Variants in CDH12 observed in about 807,000 individuals in gnomAD.
CDH12 encodes cadherin-12.
CDH12 carries 41 observed loss-of-function variants against 74.1 expected under a neutral mutation model. The observed-to-expected ratio is 0.55, with a 90% CI of 0.43 to 0.72. CDH12 has a LOEUF of 0.72. Among genes scored for constraint, CDH12 ranks in the 30% least tolerant of loss-of-function variants. The pLI is 0.00. For missense variants in CDH12, 945 were observed against 977.2 expected, an observed-to-expected ratio of 0.97 and a Z score of 0.44; for synonymous variants, 399 against 355.0, an observed-to-expected ratio of 1.12 and a Z score of -1.39.
chr5:21,767,834 G>A (rs1199984366), intron 11 of CDH12, among the ~76,000 whole-genome samples: 1 of 151,674 alleles, frequency 6.6e-6, no homozygotes, highest in Non-Finnish European at 1.5e-5. Flanking sequence ...CAACATCTCA[G>A]TTTGAGAACT....
At chr5:22,080,841 G>A (rs962519269) in intron 4 of CDH12, among the ~76,000 whole-genome samples, 1 of 151,838 alleles carries the variant, frequency 6.6e-6, no homozygotes, top group Admixed American at 6.6e-5. Context: ...GCGCAGTGGC[G>A]TAATCTCAGC....
chr5:22,202,779 T>C (rs1356162151), intron 4 of CDH12, among the ~76,000 whole-genome samples: 2 of 152,202 alleles, frequency 1.3e-5, no homozygotes, highest in African/African-American at 4.8e-5. Flanking sequence ...TATGGATTTA[T>C]AACTTTGCCA....
intron 2 of CDH12, among the ~76,000 whole-genome samples, chr5:22,447,301 T>C (rs1460367129): frequency 6.6e-6 from 1 of 152,092 alleles, no homozygotes; most frequent in Admixed American, 6.6e-5. Flanking sequence ...ACAAGGTTAT[T>C]GGATGACTTT....
chr5:21,816,886 T>C (rs899683661), intron 9 of CDH12, 59 bp downstream of exon 9: 3 of 1,127,844 alleles, frequency 2.7e-6, no homozygotes, highest in African/African-American at 3.2e-5. Context: ...TCAATATTTA[T>C]TTTTTATCTT....
At chr5:22,570,941 C>A (rs958476465) in intron 1 of CDH12, among the ~76,000 whole-genome samples, 1 of 152,196 alleles carries the variant, frequency 6.6e-6, no homozygotes, top group Non-Finnish European at 1.5e-5. Flanking sequence ...CATAGGAACT[C>A]GCTGCTTCAC....
intron 1 of CDH12, among the ~76,000 whole-genome samples, chr5:22,578,828 A>C (rs1284636939): frequency 6.6e-6 from 1 of 152,130 alleles, no homozygotes; most frequent in African/African-American, 2.4e-5. Flanking sequence ...TGATCCGATC[A>C]TTCCAGTCTT....
At chr5:21,990,059 G>A (rs1032883119) in intron 5 of CDH12, among the ~76,000 whole-genome samples, 6 of 152,040 alleles carry the variant, frequency 3.9e-5, no homozygotes, top group African/African-American at 1.4e-4. Context: ...TCTGTCATTT[G>A]CTGTGGATTT....
chr5:22,832,625 GT>G (rs917290724), intron 1 of CDH12, among the ~76,000 whole-genome samples: 1 of 152,066 alleles, frequency 6.6e-6, no homozygotes, highest in Non-Finnish European at 1.5e-5. Flanking sequence ...TATTTTAAAA[GT>G]TTAAATCTAA....
At chr5:21,839,103 C>G (rs1749698375) in intron 8 of CDH12, among the ~76,000 whole-genome samples, 1 of 152,136 alleles carries the variant, frequency 6.6e-6, no homozygotes, top group East Asian at 1.9e-4. Flanking sequence ...ATCTGTCCTC[C>G]TCAACTAGCT....
intron 1 of CDH12, among the ~76,000 whole-genome samples, chr5:22,567,157 A>C (rs556407809): frequency 6.6e-6 from 1 of 152,288 alleles, no homozygotes; most frequent in African/African-American, 2.4e-5. Flanking sequence ...TACTTATAGC[A>C]GCTACGCATC....
intron 6 of CDH12, among the ~76,000 whole-genome samples, chr5:21,959,949 G>C (rs575973513): frequency 1.4e-5 from 2 of 142,756 alleles, no homozygotes; most frequent in African/African-American, 5.2e-5. Context: ...AAAAAAAGAC[G>C]AAGTGCATTA....
intron 3 of CDH12, among the ~76,000 whole-genome samples, chr5:22,303,409 A>C (rs1158807674): frequency 6.6e-6 from 1 of 152,152 alleles, no homozygotes; most frequent in Non-Finnish European, 1.5e-5. Flanking sequence ...GAAAGTGTTT[A>C]TATTATCAAT....
intron 1 of CDH12, among the ~76,000 whole-genome samples, chr5:22,755,985 T>C (rs1745878191): frequency 6.6e-6 from 1 of 151,304 alleles, no homozygotes; most frequent in Non-Finnish European, 1.5e-5. Context: ...TGGACTGTTC[T>C]ACTAAACCAT....
chr5:22,510,700 G>C (rs1736566121), intron 1 of CDH12, among the ~76,000 whole-genome samples: 1 of 151,832 alleles, frequency 6.6e-6, no homozygotes, highest in South Asian at 2.1e-4. Flanking sequence ...ATGTCATATT[G>C]ATATTAATTT....
chr5:22,290,001 C>T (rs570316380), intron 3 of CDH12, among the ~76,000 whole-genome samples: 5 of 152,020 alleles, frequency 3.3e-5, no homozygotes, highest in Admixed American at 6.6e-5. Flanking sequence ...AGGCAGTGAG[C>T]GCTACAATGA....
intron 6 of CDH12, among the ~76,000 whole-genome samples, chr5:21,926,821 A>G (rs907812660): frequency 2.0e-5 from 3 of 152,184 alleles, no homozygotes. Flanking sequence ...GTGTACAACA[A>G]TAGAGGTGAT....
intron 8 of CDH12, among the ~76,000 whole-genome samples, chr5:21,833,251 A>ATTATATAACATATAATATATATTATATG (rs1209241259): frequency 0.72 from 9,543 of 13,164 alleles, 4,339 homozygotes; most frequent in Non-Finnish European, 0.76. Context: ...TATATTATAT[A>ATTATATAACATATAATATATATTATATG]TTATATAACA....
At chr5:22,636,292 AT>A (rs1738837269) in intron 1 of CDH12, among the ~76,000 whole-genome samples, 1 of 152,194 alleles carries the variant, frequency 6.6e-6, no homozygotes, top group Admixed American at 6.5e-5. Context: ...TGCCTATCAT[AT>A]AACCAATTAT....
chr5:22,820,479 A>G (rs952735897), intron 1 of CDH12, among the ~76,000 whole-genome samples: 3 of 152,128 alleles, frequency 2.0e-5, no homozygotes, highest in Admixed American at 6.6e-5. Context: ...CAAAATCGAT[A>G]GACCGCTAGC....
Sources: allele counts gnomAD v4.1 joint callset (sites outside exome capture counted in the v4.1 genomes callset), GRCh38; gene constraint gnomAD v4.1.1; transcripts MANE v1.5; gene names NCBI Gene and HGNC (gene_info 2026-07-23, HGNC 2026-07-21).